Variants in PTPRD observed in about 807,000 individuals in gnomAD.
PTPRD encodes protein tyrosine phosphatase receptor type D.
PTPRD carries 34 observed loss-of-function variants against 214.5 expected under a neutral mutation model. The ratio of observed to expected loss-of-function variants is 0.16; its 90% CI spans 0.12 to 0.21. The LOEUF is 0.21. Among genes scored for constraint, PTPRD ranks in the 10% least tolerant of loss-of-function variants. The probability of loss-of-function intolerance (pLI) is 1.00; values close to 1 mark genes in which losing one functional copy is unlikely to be tolerated. For synonymous variants in PTPRD, 1,128 were observed against 845.7 expected (o/e 1.33, Z -5.79); for missense variants, 2,545 against 2,398.7 (o/e 1.06, Z -1.27).
chr9:9,464,528 G>A lies in PTPRD; in HGVS notation c.-236-67046C>T, dbSNP rs779517153. ...TAAAATTAAGGCCTTTCTATGAGTC[G>A]CCTGAAGTCTAACACAGCATGAGAC... On this transcript the variant is annotated intron_variant, in intron 8 of 45. Coordinates refer to ENST00000381196, the MANE Select transcript of PTPRD (RefSeq NM_002839.4). Among the ~76,000 whole-genome samples, 8 of 151,926 alleles carry A rather than the reference G, an allele frequency of 5.3e-5. No individual in the cohort carries two copies. In the East Asian group the frequency reaches 5.8e-4, roughly 11 times the overall value.
chr9:8,940,408 G>A (rs1409873319), intron 11 of PTPRD, among the ~76,000 whole-genome samples: 14 of 145,024 alleles, frequency 9.7e-5, no homozygotes, highest in Admixed American at 4.9e-4. Context: ...TCAGCCTCCC[G>A]AGAAGCTGGG....
intron 21 of PTPRD, among the ~76,000 whole-genome samples, chr9:8,510,008 G>T (rs2097644981): frequency 6.6e-6 from 1 of 152,134 alleles, no homozygotes; most frequent in Admixed American, 6.5e-5. Flanking sequence ...TCAGGCTTAG[G>T]CATGGTAACT....
At chr9:9,577,383 G>C (rs375907089) in intron 7 of PTPRD, among the ~76,000 whole-genome samples, 1 of 151,920 alleles carries the variant, frequency 6.6e-6, no homozygotes, top group Admixed American at 6.6e-5. Context: ...CGGCAACATG[G>C]AGAAATCCCA....
intron 2 of PTPRD, among the ~76,000 whole-genome samples, chr9:10,412,547 A>C (rs1396483128): frequency 1.3e-5 from 2 of 151,660 alleles, no homozygotes; most frequent in East Asian, 2.0e-4. Context: ...GAGGCTGGAC[A>C]CTTCCCCAGC....
chr9:8,545,074 C>T (rs536952488), intron 14 of PTPRD, among the ~76,000 whole-genome samples: 2 of 152,044 alleles, frequency 1.3e-5, no homozygotes, highest in South Asian at 2.1e-4. Context: ...CACACACAAT[C>T]GTAGTTTTTA....
intron 12 of PTPRD, among the ~76,000 whole-genome samples, chr9:8,660,643 C>A (rs1175422510): frequency 6.6e-6 from 1 of 152,152 alleles, no homozygotes; most frequent in Non-Finnish European, 1.5e-5. Flanking sequence ...TCTGAAACCA[C>A]AAACTAAACT....
chr9:10,006,952 G>T lies in PTPRD; in HGVS notation c.-472+26766C>A, dbSNP rs150505260. On this transcript the variant is annotated intron_variant, in intron 4 of 45. Transcript: ENST00000381196. ...ATTTTCCAATAATAATAATGTTATT[G>T]CTGGTATTATCACTATTGGTATAAT... 7.9e-5 allele frequency among the ~76,000 whole-genome samples: 12 copies of T among 151,830 alleles called. No individual in the cohort carries two copies. In the East Asian group the frequency reaches 2.3e-3, roughly 29 times the overall value.
intron 14 of PTPRD, among the ~76,000 whole-genome samples, chr9:8,584,312 G>A (rs13293506): frequency 0.26 from 39,192 of 151,806 alleles, 5,174 homozygotes; most frequent in Middle Eastern, 0.35. Flanking sequence ...CTATAAATAC[G>A]ATGTCTTTTC....
intron 3 of PTPRD, among the ~76,000 whole-genome samples, chr9:10,096,094 T>A (rs148564516): frequency 6.6e-6 from 1 of 151,698 alleles, no homozygotes; most frequent in African/African-American, 2.4e-5. Flanking sequence ...GATTGACCAT[T>A]CTGATTACAT....
At chr9:10,420,295 G>T (rs2098534010) in intron 2 of PTPRD, among the ~76,000 whole-genome samples, 1 of 151,788 alleles carries the variant, frequency 6.6e-6, no homozygotes, top group African/African-American at 2.4e-5. Flanking sequence ...ATGAACAACA[G>T]GTAATCTCTT....
chr9:9,236,305 C>A (rs970341185), intron 9 of PTPRD, among the ~76,000 whole-genome samples: 1 of 152,012 alleles, frequency 6.6e-6, no homozygotes, highest in Non-Finnish European at 1.5e-5. Flanking sequence ...TGAGAGAGCT[C>A]TCATCCCAAA....
intron 3 of PTPRD, among the ~76,000 whole-genome samples, chr9:10,136,393 T>G (rs990311131): frequency 6.6e-6 from 1 of 152,064 alleles, no homozygotes; most frequent in Non-Finnish European, 1.5e-5. Context: ...CTAATAGATA[T>G]TTACAGAATA....
chr9:9,876,218 A>C (rs1168508732), intron 5 of PTPRD, among the ~76,000 whole-genome samples: 3 of 152,176 alleles, frequency 2.0e-5, no homozygotes, highest in Admixed American at 6.6e-5. Flanking sequence ...ATAAAAATTT[A>C]GGAAACTTAG....
At chr9:8,331,523 T>C in intron 44 of PTPRD, 59 bp downstream of exon 44, 2 of 1,592,936 alleles carry the variant, frequency 1.3e-6, no homozygotes, top group Non-Finnish European at 1.7e-6. Flanking sequence ...AAAAAGTGTA[T>C]ACAGACAATG....
chr9:8,944,847 AC>A (rs1251579137), intron 11 of PTPRD, among the ~76,000 whole-genome samples: 6 of 152,070 alleles, frequency 3.9e-5, no homozygotes, highest in Non-Finnish European at 8.8e-5. Context: ...CACCAGAATG[AC>A]TACAGTCAGC....
At chr9:8,856,975 A>C (rs1203980251) in intron 11 of PTPRD, among the ~76,000 whole-genome samples, 1 of 152,188 alleles carries the variant, frequency 6.6e-6, no homozygotes, top group Non-Finnish European at 1.5e-5. Flanking sequence ...CTTTCTTTTT[A>C]AATTGTTTCT....
At chr9:8,728,567 T>C (rs775780485) in intron 12 of PTPRD, among the ~76,000 whole-genome samples, 1 of 152,250 alleles carries the variant, frequency 6.6e-6, no homozygotes, top group African/African-American at 2.4e-5. Flanking sequence ...ATGTATGCAT[T>C]TTAATAATAT....
At position 8,341,198 on chromosome 9, in the gene PTPRD, T is replaced by C. The variant is rs1852099379; in HGVS notation, c.5018A>G (p.Asn1673Ser). The change falls in exon 41 of 46, where the codon AAT becomes AGT. Residue 1673 changes from asparagine to serine, a missense_variant. Physicochemically the swap from Asn to Ser is conservative, Grantham distance 46. Coordinates refer to ENST00000381196, the MANE Select transcript of PTPRD (RefSeq NM_002839.4). The part of the protein sequence containing the change: ...SANLPCNKFK[N>S]RLVNIMPYES... ...ATATGGCATAATATTAACAAGGCGA[T>C]TTTTGAATTTATTACATGGAAGATT... is the stretch of plus-strand genomic sequence containing the variant. The C allele has an allele frequency of 6.2e-7, 1 of 1,613,148 alleles. No homozygotes were observed. Among genetic ancestry groups the C allele is most frequent in the Non-Finnish European group, 8.5e-7 (1 of 1,179,496 alleles).
intron 9 of PTPRD, among the ~76,000 whole-genome samples, chr9:9,330,944 C>A (rs984738095): frequency 6.8e-6 from 1 of 147,116 alleles, no homozygotes; most frequent in African/African-American, 2.5e-5. Flanking sequence ...CAGCAATTAA[C>A]AGAAAGCTTT....
Sources: allele counts gnomAD v4.1 joint callset (sites outside exome capture counted in the v4.1 genomes callset), GRCh38; gene constraint gnomAD v4.1.1; transcripts MANE v1.5; gene names NCBI Gene and HGNC (gene_info 2026-07-23, HGNC 2026-07-21).